Variants in MAX observed in about 807,000 individuals in gnomAD.
MAX encodes the protein protein max.
MAX carries 3 observed loss-of-function variants against 22.3 expected under a neutral mutation model. The observed-to-expected ratio is 0.13, with a 90% CI of 0.06 to 0.35. MAX has a LOEUF of 0.35. MAX is among the 10% of genes least tolerant of loss of function. The pLI, the probability that MAX is intolerant of heterozygous loss-of-function variation, is 1.00. For synonymous variants in MAX, 72 were observed against 77.7 expected (o/e 0.93, Z 0.39); for missense variants, 119 against 209.4 (o/e 0.57, Z 2.66).
intron 3 of MAX, chr14:65,090,052 T>C (rs974149737): frequency 6.6e-6 from 1 of 152,186 alleles, no homozygotes; most frequent in Non-Finnish European, 1.5e-5. Context: ...TCAGAGCAAC[T>C]ATGTGAACTC....
intron 3 of MAX, among the ~76,000 whole-genome samples, chr14:65,057,387 CCA>C (rs2062759775): frequency 3.9e-5 from 6 of 152,214 alleles, no homozygotes; most frequent in Admixed American, 3.3e-4. Context: ...TCTGTTTGCT[CCA>C]GTCTGGGAGA....
chr14:65,037,402 CCTT>C (rs2062219233), intron 3 of MAX, among the ~76,000 whole-genome samples: 309 of 14,534 alleles, frequency 0.021, 140 homozygotes, highest in South Asian at 0.079. Flanking sequence ...CACGCCGGGC[CCTT>C]TTTTTTTTTT....
At chr14:65,052,362 CA>C in intron 3 of MAX, among the ~76,000 whole-genome samples, 1 of 152,056 alleles carries the variant, frequency 6.6e-6, no homozygotes, top group South Asian at 2.1e-4. Flanking sequence ...TGCCATTTAC[CA>C]ATTGTTGGGC....
rs761412859 is a variant in MAX, at chr14:65,012,269, G to C, written c.172-5985C>G. 1.2e-6 allele frequency: 2 copies of C among 1,611,366 alleles called. No homozygotes were observed. Among genetic ancestry groups the C allele is most frequent in the African/African-American group, 2.7e-5 (2 of 74,856 alleles). ...GTACGTGCACATACGTGTGTATGGT[G>C]GAAGCATAAGCTATTAGAATGGGCT... On this transcript the variant is annotated intron_variant, in intron 3 of 3. Transcript: ENST00000341653. The surrounding 1 kb of genome is among the most constrained non-coding windows in gnomAD (Gnocchi z 5.0).
intron 3 of MAX, among the ~76,000 whole-genome samples, chr14:65,059,014 C>T (rs765439998): frequency 1.3e-5 from 2 of 152,054 alleles, no homozygotes; most frequent in Non-Finnish European, 2.9e-5. Context: ...GCACCTCTTA[C>T]CTTTTTTCTT....
chr14:65,061,315 G>T, intron 3 of MAX: 1 of 1,613,588 alleles, frequency 6.2e-7, no homozygotes, highest in Non-Finnish European at 8.5e-7. Flanking sequence ...CCGACTAGAG[G>T]ACCTGGGTCC....
intron 3 of MAX, among the ~76,000 whole-genome samples, chr14:65,083,206 G>C (rs548148338): frequency 2.0e-5 from 3 of 152,252 alleles, no homozygotes; most frequent in South Asian, 4.1e-4. Flanking sequence ...CCCACTGTCA[G>C]ACCTCTGCTT....
In MAX at chr14:65,093,349, G is replaced by A. The variant is rs893198648; in HGVS notation, c.171+359C>T. The A allele has an allele frequency of 6.6e-6, 2 of 304,512 alleles. No individual in the cohort carries two copies. Among genetic ancestry groups the A allele is most frequent in the African/African-American group, 4.3e-5 (2 of 46,556 alleles). 18.9% of individuals were successfully genotyped at this position (304,512 alleles called of 1,614,324 possible). On this transcript the variant is annotated intron_variant, in intron 3 of 4. Coordinates refer to ENST00000358664, the MANE Select transcript of MAX (RefSeq NM_002382.5). The surrounding 1 kb of genome is among the most constrained non-coding windows in gnomAD (Gnocchi z 4.4). ...CCATAGGAAAGGAATTCTCATGGAG[G>A]TCTAGGGTATTAATGACCTCTGGAA...
In MAX at chr14:65,075,180, CT is replaced by C. The variant is rs1376869199; in HGVS notation, c.*1295del. 9.6e-7 allele frequency: 1 copy of C among 1,037,442 alleles called. No individual in the cohort carries two copies. Among genetic ancestry groups the C allele is most frequent in the African/African-American group, 1.7e-5 (1 of 59,420 alleles). 64.3% of individuals were successfully genotyped at this position (1,037,442 alleles called of 1,614,324 possible). ...CTTATAGTAAAGGGGGAAGCCTTAA[CT>C]TGCAAGACAATTCTTCGGCAGTATG... On this transcript the variant is annotated 3_prime_UTR_variant, in exon 5 of 5. Transcript: ENST00000358664. The surrounding 1 kb of genome is among the most constrained non-coding windows in gnomAD (Gnocchi z 4.1).
chr14:65,099,638 CGAT>C (rs1415484631), intron 2 of MAX, among the ~76,000 whole-genome samples: 7 of 151,820 alleles, frequency 4.6e-5, no homozygotes, highest in Non-Finnish European at 1.0e-4. Context: ...GAAGGCTAAA[CGAT>C]CCTTACCCTC....
At chr14:65,015,165 C>T (rs1363695980) in intron 3 of MAX, among the ~76,000 whole-genome samples, 2 of 150,910 alleles carry the variant, frequency 1.3e-5, no homozygotes, top group African/African-American at 2.4e-5. Context: ...TGCAGTGGTG[C>T]CATCTCGGCT....
In MAX at chr14:65,011,679, C is replaced by CA. The variant is rs2061685738; in HGVS notation, c.172-5396dup. Among the ~76,000 whole-genome samples the CA allele has an allele frequency of 6.6e-6, 1 of 152,220 alleles. No homozygotes were observed. The highest frequency in any genetic ancestry group is 1.5e-5 in the Non-Finnish European group (1 of 68,046). ...GCCTCTGTGCTTTGCCCGGCCTGTG[C>CA]AGGTGGCCATGGGCGGCACATTCCA... On this transcript the variant is annotated intron_variant, in intron 3 of 3. Transcript: ENST00000341653. The surrounding 1 kb of genome is among the most constrained non-coding windows in gnomAD (Gnocchi z 4.0).
chr14:65,094,142 A>G, intron 2 of MAX: 1 of 366,458 alleles, frequency 2.7e-6, no homozygotes, highest in South Asian at 2.3e-5. Context: ...ATGTGACAGA[A>G]GAGCCACCAG....
chr14:65,027,754 T>C lies in MAX; in HGVS notation c.172-21470A>G. 2 of 1,614,162 alleles carry C rather than the reference T, an allele frequency of 1.2e-6. No individual in the cohort carries two copies. On this transcript the variant is annotated intron_variant, in intron 3 of 3. Transcript: ENST00000341653. This position sits in a 1 kb window ranked among gnomAD's most constrained non-coding sequence, Gnocchi z 5.7. Reference sequence around the variant, plus strand: ...AAGCAACCTGACGGCTCCTTTCTCATGCATGTCGGAGGTGAGGTGGATGTG... The same window carrying C: ...AAGCAACCTGACGGCTCCTTTCTCACGCATGTCGGAGGTGAGGTGGATGTG...
Position 65,007,753 on chromosome 14 carries a change from C to CT in MAX, c.172-1470dup. 6.6e-6 allele frequency among the ~76,000 whole-genome samples: 1 copy of CT among 152,302 alleles called. No individual in the cohort carries two copies. The highest frequency in any genetic ancestry group is 1.9e-4 in the East Asian group (1 of 5,184). On this transcript the variant is annotated intron_variant, in intron 3 of 3. Transcript: ENST00000341653. The surrounding 1 kb of genome is among the most constrained non-coding windows in gnomAD (Gnocchi z 4.9). ...GGTTTCACACCCTTTTGAATGTACC[C>CT]TTTTGCATTTATCACCTTGGCTTTA... is the stretch of plus-strand genomic sequence containing the variant.
At chr14:65,020,437 CT>C (rs1195336782) in intron 3 of MAX, among the ~76,000 whole-genome samples, 9 of 143,374 alleles carry the variant, frequency 6.3e-5, no homozygotes, top group Admixed American at 6.8e-5. Context: ...CAGCTTGCCT[CT>C]TTTTTTTTTG....
At chr14:65,055,497 T>TA (rs1204490783) in intron 3 of MAX, among the ~76,000 whole-genome samples, 3 of 152,034 alleles carry the variant, frequency 2.0e-5, no homozygotes, top group African/African-American at 4.8e-5. Flanking sequence ...CTTTTTTGTT[T>TA]AAAAAAATTT....
chr14:65,089,410 C>T (rs1008363056), intron 3 of MAX, among the ~76,000 whole-genome samples: 3 of 152,044 alleles, frequency 2.0e-5, no homozygotes, highest in Non-Finnish European at 2.9e-5. Context: ...GCTCAACTGC[C>T]TGAGAGAGCA....
In MAX at chr14:65,102,500, A is replaced by G. The variant is rs1282614072; in HGVS notation, c.-161T>C. 4 of 1,486,320 alleles carry G rather than the reference A, an allele frequency of 2.7e-6. No individual in the cohort carries two copies. The highest frequency in any genetic ancestry group is 3.6e-6 in the Non-Finnish European group (4 of 1,118,732). 92.1% of individuals were successfully genotyped at this position (1,486,320 alleles called of 1,614,324 possible). A position where few individuals can be genotyped will look rare whatever the true frequency, so the allele number is the denominator to read the frequency against. Reference sequence around the variant, plus strand: ...ACTCACACACACACACAACACGGGCAAGAACCACCTCCTCACTGCAGCACC... The same window carrying G: ...ACTCACACACACACACAACACGGGCGAGAACCACCTCCTCACTGCAGCACC... On this transcript the variant is annotated 5_prime_UTR_variant, in exon 1 of 5. Transcript: ENST00000358664.
Sources: allele counts gnomAD v4.1 joint callset (sites outside exome capture counted in the v4.1 genomes callset), GRCh38; gene constraint gnomAD v4.1.1; non-coding constraint Gnocchi (gnomAD v3.1); transcripts MANE v1.5; gene names NCBI Gene and HGNC (gene_info 2026-07-23, HGNC 2026-07-21).